PTPRD: variants seen among roughly 807,000 people sequenced by gnomAD.
PTPRD encodes receptor-type tyrosine-protein phosphatase delta.
PTPRD carries 34 observed loss-of-function variants against 214.5 expected under a neutral mutation model. The ratio of observed to expected loss-of-function variants is 0.16; its 90% CI spans 0.12 to 0.21. The LOEUF (loss-of-function observed/expected upper bound fraction) is 0.21. Among genes scored for constraint, PTPRD ranks in the 10% least tolerant of loss-of-function variants. The pLI, the probability that PTPRD is intolerant of heterozygous loss-of-function variation, is 1.00. For synonymous variants in PTPRD, 1,128 were observed against 845.7 expected, an observed-to-expected ratio of 1.33 and a Z score of -5.79; for missense variants, 2,545 against 2,398.7, an observed-to-expected ratio of 1.06 and a Z score of -1.27.
At chr9:8,528,806 T>C in intron 14 of PTPRD, 27 bp from the exon 15 acceptor site, 12 of 1,607,358 alleles carry the variant, frequency 7.5e-6, no homozygotes, top group Non-Finnish European at 1.0e-5. Flanking sequence ...GATAGAAACA[T>C]TCAGTTAATA....
intron 6 of PTPRD, among the ~76,000 whole-genome samples, chr9:9,744,991 A>G (rs746586445): frequency 7.9e-5 from 12 of 152,232 alleles, no homozygotes; most frequent in Non-Finnish European, 1.2e-4. Flanking sequence ...TCCATAATCA[A>G]CAAGCTAATT....
chr9:9,733,267 C>A (rs1239965202), intron 7 of PTPRD, among the ~76,000 whole-genome samples: 1 of 152,124 alleles, frequency 6.6e-6, no homozygotes, highest in East Asian at 1.9e-4. Context: ...GGGATGCAGA[C>A]CCCAGTGGTT....
chr9:9,528,161 G>T (rs1416608999), intron 8 of PTPRD, among the ~76,000 whole-genome samples: 1 of 152,208 alleles, frequency 6.6e-6, no homozygotes, highest in Non-Finnish European at 1.5e-5. Flanking sequence ...GTAAGCTGCA[G>T]AGAGAGATAA....
At chr9:9,313,958 C>T (rs577869028) in intron 9 of PTPRD, among the ~76,000 whole-genome samples, 79 of 152,120 alleles carry the variant, frequency 5.2e-4, no homozygotes, top group African/African-American at 1.9e-3. Context: ...TCCATGTGCT[C>T]AGTATATTTT....
At chr9:9,699,708 T>C (rs184663988) in intron 7 of PTPRD, among the ~76,000 whole-genome samples, 95 of 152,282 alleles carry the variant, frequency 6.2e-4, no homozygotes, top group African/African-American at 2.2e-3. Flanking sequence ...CTTGCACTTA[T>C]TGAAAGAAGA....
intron 2 of PTPRD, among the ~76,000 whole-genome samples, chr9:10,362,142 T>G (rs1565542727): frequency 1.3e-5 from 2 of 152,088 alleles, no homozygotes; most frequent in African/African-American, 4.8e-5. Context: ...AATTTGTACA[T>G]AAGCCAAAGC....
intron 10 of PTPRD, among the ~76,000 whole-genome samples, chr9:9,120,698 T>G (rs1483773205): frequency 1.3e-5 from 2 of 152,194 alleles, no homozygotes; most frequent in African/African-American, 4.8e-5. Flanking sequence ...CTGAGTAGAT[T>G]TGAAGTAGCA....
At chr9:8,989,908 A>C (rs1399622711) in intron 11 of PTPRD, among the ~76,000 whole-genome samples, 5 of 152,144 alleles carry the variant, frequency 3.3e-5, no homozygotes, top group African/African-American at 9.7e-5. Flanking sequence ...TGCCCATATA[A>C]GTTTACGTCT....
intron 16 of PTPRD, among the ~76,000 whole-genome samples, chr9:8,526,944 A>G (rs2074313053): frequency 6.7e-6 from 1 of 149,754 alleles, no homozygotes; most frequent in Non-Finnish European, 1.5e-5. Context: ...TATATCTTAT[A>G]TGCCTCATAT....
chr9:8,533,068 G>A (rs915699368), intron 14 of PTPRD, among the ~76,000 whole-genome samples: 3 of 152,072 alleles, frequency 2.0e-5, no homozygotes, highest in African/African-American at 7.2e-5. Context: ...GAATGATCAA[G>A]TAACAGGTTT....
chr9:9,360,279 A>G (rs903426074), intron 9 of PTPRD, among the ~76,000 whole-genome samples: 4 of 151,148 alleles, frequency 2.6e-5, no homozygotes, highest in African/African-American at 9.7e-5. Context: ...TGATTGGCAA[A>G]GCCATAAGAG....
intron 10 of PTPRD, among the ~76,000 whole-genome samples, chr9:9,060,906 C>A (rs1181632352): frequency 6.6e-6 from 1 of 152,072 alleles, no homozygotes; most frequent in Non-Finnish European, 1.5e-5. Context: ...TCCTATTCAG[C>A]AATAAATTTT....
intron 11 of PTPRD, among the ~76,000 whole-genome samples, chr9:8,754,544 A>G (rs190366777): frequency 5.9e-5 from 9 of 152,336 alleles, no homozygotes; most frequent in Admixed American, 4.6e-4. Flanking sequence ...TTAAATGGGT[A>G]TCTGCATGAA....
At chr9:9,366,121 C>A (rs940971085) in intron 9 of PTPRD, among the ~76,000 whole-genome samples, 2 of 151,238 alleles carry the variant, frequency 1.3e-5, no homozygotes, top group African/African-American at 4.8e-5. Flanking sequence ...TAATGAACAC[C>A]AGATCATATA....
intron 3 of PTPRD, among the ~76,000 whole-genome samples, chr9:10,042,633 G>A (rs887943683): frequency 4.0e-5 from 6 of 151,862 alleles, no homozygotes; most frequent in African/African-American, 1.4e-4. Flanking sequence ...AGATGATGCT[G>A]ATTGTGGAAG....
intron 12 of PTPRD, among the ~76,000 whole-genome samples, chr9:8,703,605 G>A (rs1457335483): frequency 4.6e-5 from 7 of 152,070 alleles, no homozygotes. Context: ...CTTTTCTCCT[G>A]TTTCCCCTCG....
chr9:8,454,862 C>A (rs1023266847), intron 33 of PTPRD, among the ~76,000 whole-genome samples: 1 of 150,794 alleles, frequency 6.6e-6, no homozygotes, highest in Non-Finnish European at 1.5e-5. Context: ...GCCACGTGCA[C>A]TTTTATCCAT....
chr9:9,781,264 G>A (rs1386908870), intron 5 of PTPRD, among the ~76,000 whole-genome samples: 3 of 152,162 alleles, frequency 2.0e-5, no homozygotes, highest in African/African-American at 7.2e-5. Flanking sequence ...GGGTTTAACT[G>A]ACAGTGGGAA....
chr9:9,883,478 A>G (rs2069558092), intron 5 of PTPRD, among the ~76,000 whole-genome samples: 1 of 152,246 alleles, frequency 6.6e-6, no homozygotes, highest in South Asian at 2.1e-4. Context: ...ATGTCTGGCA[A>G]TCAGGGGATA....
Sources: gnomAD v4.1 joint callset for allele counts (sites outside exome capture counted in the v4.1 genomes callset) on GRCh38, gnomAD v4.1.1 for gene constraint, MANE v1.5 for transcripts, NCBI Gene and HGNC (gene_info 2026-07-23, HGNC 2026-07-21) for gene names.